The following MCM3AP variants were observed in gnomAD, a reference collection of about 807,000 sequenced individuals.
MCM3AP encodes the protein minichromosome maintenance complex component 3 associated protein, also known as germinal-center associated nuclear protein.
A neutral mutation model predicts 184.1 loss-of-function variants in MCM3AP; 126 were observed. The ratio of observed to expected loss-of-function variants is 0.68; its 90% confidence interval spans 0.59 to 0.79. The LOEUF (loss-of-function observed/expected upper bound fraction) is 0.79. Ranked by LOEUF, MCM3AP falls within the 30% of genes least tolerant of loss-of-function variation. The pLI is 0.00. For missense variants in MCM3AP, 2,496 were observed against 2,479.2 expected (o/e 1.01, Z -0.14); for synonymous variants, 1,002 against 979.3 (o/e 1.02, Z -0.43).
At position 46,274,938 on chromosome 21, in the gene MCM3AP, C is replaced by CAAA. The variant is rs35282554; in HGVS notation, c.1998+245_1998+247dup. 8.9e-4 allele frequency among the ~76,000 whole-genome samples: 86 copies of CAAA among 96,580 alleles called. 1 individual carries two copies. The highest frequency in any genetic ancestry group is 1.1e-3 in the Non-Finnish European group (54 of 51,078). The allele number at this position is 96,580 out of a possible 152,430, so 63.4% of individuals were successfully genotyped here. The stretch of plus-strand genomic sequence containing the variant: ...TAGGTGACAGAGTGAGACCCTGTCT[C>CAAA]AAAAAAAAAAAAAAAAAAAAAGAAT... On this transcript the variant is annotated intron_variant, in intron 6 of 27. Transcript: ENST00000291688.
chr21:46,237,065 C>G (rs1408581936), intron 26 of MCM3AP, 86 bp from the exon 27 acceptor site: 2 of 562,402 alleles, frequency 3.6e-6, no homozygotes, highest in Non-Finnish European at 5.5e-6. Context: ...TACTTAAAAA[C>G]TTTTTAAGCC....
chr21:46,244,774 C>T (rs2080735200), intron 23 of MCM3AP, 33 bp downstream of exon 23: 3 of 1,562,970 alleles, frequency 1.9e-6, no homozygotes, highest in African/African-American at 2.7e-5. Context: ...TGGCTGCAGC[C>T]ACCCACCAGA....
chr21:46,276,588 T>C (rs1355173580), intron 5 of MCM3AP, among the ~76,000 whole-genome samples: 2 of 150,408 alleles, frequency 1.3e-5, no homozygotes, highest in African/African-American at 4.9e-5. Context: ...ATTACAGGCA[T>C]GTGCCACCAC....
At chr21:46,261,165 G>T in intron 14 of MCM3AP, 115 bp downstream of exon 14, 1 of 1,354,028 alleles carries the variant, frequency 7.4e-7, no homozygotes, top group Non-Finnish European at 1.0e-6. Flanking sequence ...GAGTGGGTCA[G>T]CAGGGGTGGA....
rs2080701367 is a variant in MCM3AP, at chr21:46,243,141, C to T, written c.5297-210G>A. ...CTTCCACACTTGGGTTAAATAGGCT[C>T]CCAGGGTCCATGCATCACTCAAAGT... On this transcript the variant is annotated intron_variant, in intron 24 of 27. Transcript: ENST00000291688. 5 of 596,696 alleles carry T rather than the reference C, an allele frequency of 8.4e-6. No individual in the cohort carries two copies. In the South Asian group the frequency reaches 1.1e-4, roughly 13 times the overall value. The allele number at this position is 596,696 out of a possible 1,614,324, so 37.0% of individuals were successfully genotyped here.
rs779351383 is a variant in MCM3AP at position 46,283,806 on chromosome 21, T to C, written c.1252A>G (p.Asn418Asp). The change falls in exon 2 of 28, where the codon AAC becomes GAC. Residue 418 changes from asparagine (N) to aspartate (D), a missense_variant. Physicochemically the swap from Asn to Asp is conservative, Grantham distance 23. This residue lies in a region of MCM3AP where 800 missense variants were observed against 717.1 expected (regional missense o/e 1.12). Transcript: ENST00000291688. ...SLRGTPARQS[N>D]RSESTDSLGG... ...AGACTGTCTGTGCTCTCGCTTCTGT[T>C]ACTCTGACGCGCCGGAGTTCCTCTT... The C allele has an allele frequency of 1.9e-6, 3 of 1,613,848 alleles. No individual in the cohort carries two copies. Among genetic ancestry groups the C allele is most frequent in the South Asian group, 2.2e-5 (2 of 91,070 alleles).
intron 8 of MCM3AP, among the ~76,000 whole-genome samples, chr21:46,271,164 A>ATT (rs889506309): frequency 3.4e-5 from 5 of 145,460 alleles, no homozygotes; most frequent in African/African-American, 5.0e-5. Flanking sequence ...AACCAGTTTA[A>ATT]TTTTTTTTTT....
In MCM3AP at chr21:46,284,686, A is replaced by G. The variant is rs1429416545; in HGVS notation, c.601T>C (p.Ser201Pro). 1 of 1,614,090 alleles carries G rather than the reference A, an allele frequency of 6.2e-7. No homozygotes were observed. Among genetic ancestry groups the G allele is most frequent in the Admixed American group, 1.7e-5 (1 of 60,024 alleles). ...PFSFPQVTSS[S>P]ATTSNFTFSK... ...AAGGTAAAATTTGAAGTGGTAGCTG[A>G]ACTACTTGTTACTTGAGGAAAAGAG... The change falls in exon 1 of 28, where the codon TCA (serine) becomes CCA (proline). Residue 201 changes from serine (S) to proline (P), a missense_variant. Physicochemically the swap from Ser to Pro is moderately conservative, Grantham distance 74. Coordinates refer to ENST00000291688, the MANE Select transcript of MCM3AP (RefSeq NM_003906.5).
chr21:46,280,811 C>CA (rs2081322232), intron 2 of MCM3AP, among the ~76,000 whole-genome samples: 1 of 126,974 alleles, frequency 7.9e-6, no homozygotes, highest in Admixed American at 8.4e-5. Flanking sequence ...GCTCTTTCCC[C>CA]CTTTTTTTTT....
rs1345315515 is a variant in MCM3AP at position 46,280,866 on chromosome 21, T to C, written c.1444-291A>G. On this transcript the variant is annotated intron_variant, in intron 2 of 27. Coordinates refer to ENST00000291688, the MANE Select transcript of MCM3AP (RefSeq NM_003906.5). ...TGTCAGCCAGGCTGGAGTGCGGTGG[T>C]GAGATCTCAGCTTACTGCAATCTCC... is the stretch of plus-strand genomic sequence containing the variant. Among the ~76,000 whole-genome samples the C allele has an allele frequency of 2.6e-5, 4 of 151,992 alleles. No homozygotes were observed. In the East Asian group the frequency reaches 7.7e-4, roughly 29 times the overall value.
intron 16 of MCM3AP, among the ~76,000 whole-genome samples, chr21:46,257,717 G>T (rs2001289): frequency 1.3e-5 from 2 of 151,344 alleles, no homozygotes; most frequent in African/African-American, 4.8e-5. Context: ...TCAGGAGTTC[G>T]AGAGCAGCCT....
intron 9 of MCM3AP, chr21:46,267,959 G>A (rs1201652706): frequency 2.0e-5 from 3 of 151,752 alleles, no homozygotes; most frequent in African/African-American, 7.3e-5. Flanking sequence ...CACTTTGGGA[G>A]GCCAAGGCAG....
intron 22 of MCM3AP, among the ~76,000 whole-genome samples, chr21:46,245,721 AC>A (rs2080755574): frequency 6.6e-6 from 1 of 152,032 alleles, no homozygotes; most frequent in African/African-American, 2.4e-5. Flanking sequence ...CTGGTCTCAA[AC>A]TCCTGAGCTC....
intron 13 of MCM3AP, 71 bp from the exon 14 acceptor site, chr21:46,261,482 C>G (rs2081040791): frequency 2.9e-5 from 42 of 1,447,200 alleles, no homozygotes; most frequent in Non-Finnish European, 3.9e-5. Flanking sequence ...CGCCTGTAAT[C>G]CCAGCACTTT....
At position 46,284,166 on chromosome 21, in the gene MCM3AP, T is replaced by G. The variant is rs377692354; in HGVS notation, c.1121A>C (p.His374Pro). Residue 374 changes from histidine (H) to proline (P), a missense_variant, in exon 1 of 28, where the codon CAC becomes CCC. Transcript: ENST00000291688. The part of the protein sequence containing the change: ...TGFVESAESD[H>P]MAIPGGNQSV... ...CTGATTCCCTCCTGGGATAGCCATG[T>G]GGTCACTTTCTGCAGACTCAACAAA... 6 of 1,614,214 alleles carry G rather than the reference T, an allele frequency of 3.7e-6. No homozygotes were observed. Among genetic ancestry groups the G allele is most frequent in the Non-Finnish European group, 5.1e-6 (6 of 1,180,036 alleles).
chr21:46,275,045 A>G (rs561854570), intron 6 of MCM3AP, 141 bp downstream of exon 6: 2 of 877,060 alleles, frequency 2.3e-6, no homozygotes, highest in South Asian at 2.3e-5. Flanking sequence ...ACATCTCACA[A>G]TGCAAAACAG....
chr21:46,261,355 C>T lies in MCM3AP; in HGVS notation c.3392G>A (p.Arg1131Lys), dbSNP rs1340654040. 3.7e-6 allele frequency: 6 copies of T among 1,614,042 alleles called. No homozygotes were observed. Among genetic ancestry groups the T allele is most frequent in the Non-Finnish European group, 5.1e-6 (6 of 1,180,012 alleles). ...LLTAATTGIL[R>K]HIAAEEVSKE... ...AGACACTTCTTCAGCTGCAATGTGC[C>T]TCAAAATGCCCGTGGTTGCAGCTGT... Residue 1131 changes from arginine to lysine, a missense_variant, in exon 14 of 28, where the codon AGG becomes AAG. Transcript: ENST00000291688.
At chr21:46,272,020 A>G (rs927839485) in intron 8 of MCM3AP, among the ~76,000 whole-genome samples, 1 of 151,882 alleles carries the variant, frequency 6.6e-6, no homozygotes, top group African/African-American at 2.4e-5. Context: ...CAGCTTAACC[A>G]CAAGCAGAGG....
At chr21:46,276,368 GTTA>G (rs1213656434) in intron 5 of MCM3AP, among the ~76,000 whole-genome samples, 2 of 151,844 alleles carry the variant, frequency 1.3e-5, no homozygotes, top group Non-Finnish European at 2.9e-5. Flanking sequence ...ATTACTATAT[GTTA>G]TTATATTAAG....
Sources: allele counts gnomAD v4.1 joint callset (sites outside exome capture counted in the v4.1 genomes callset), GRCh38; gene constraint gnomAD v4.1.1; regional missense constraint gnomAD v4.1.1; transcripts MANE v1.5; gene names NCBI Gene and HGNC (gene_info 2026-07-23, HGNC 2026-07-21).